TNNI3K: variants seen among roughly 807,000 people sequenced by gnomAD.
The protein encoded by TNNI3K is TNNI3 interacting kinase.
TNNI3K carries 140 observed loss-of-function variants against 114.5 expected under a neutral mutation model. That is an observed-to-expected ratio of 1.22 (90% CI 1.07 to 1.41). TNNI3K has a LOEUF of 1.41. Ranked by LOEUF, TNNI3K falls within the 40% of genes most tolerant of loss-of-function variation. TNNI3K has a pLI of 0.00. For synonymous variants in TNNI3K, 347 were observed against 347.5 expected (o/e 1.00, Z 0.02); for missense variants, 1,125 against 1,007.6 (o/e 1.12, Z -1.58).
chr1:74,387,708 G>T (rs1388922685), intron 17 of TNNI3K, among the ~76,000 whole-genome samples: 1 of 152,174 alleles, frequency 6.6e-6, no homozygotes, highest in Non-Finnish European at 1.5e-5. Context: ...GAAGTCGGCG[G>T]TATCGAGGCG....
At chr1:74,511,447 A>T (rs1433477685) in intron 23 of TNNI3K, among the ~76,000 whole-genome samples, 1 of 152,048 alleles carries the variant, frequency 6.6e-6, no homozygotes, top group African/African-American at 2.4e-5. Flanking sequence ...ATTCACTCTT[A>T]TTTTCTTTAT....
intron 5 of TNNI3K, among the ~76,000 whole-genome samples, chr1:74,330,878 A>C (rs909589603): frequency 6.6e-6 from 1 of 152,212 alleles, no homozygotes; most frequent in African/African-American, 2.4e-5. Flanking sequence ...ATAAAGATGA[A>C]TCTGACATAC....
chr1:74,493,308 G>A (rs1323190547), intron 23 of TNNI3K, among the ~76,000 whole-genome samples: 1 of 152,186 alleles, frequency 6.6e-6, no homozygotes, highest in African/African-American at 2.4e-5. Context: ...AACTGTGAAT[G>A]TACTAAATAC....
At chr1:74,509,115 G>T (rs1670053665) in intron 23 of TNNI3K, among the ~76,000 whole-genome samples, 2 of 152,136 alleles carry the variant, frequency 1.3e-5, no homozygotes, top group Admixed American at 1.3e-4. Flanking sequence ...TTCTCTTTGA[G>T]ATAGTAGAGC....
intron 5 of TNNI3K, among the ~76,000 whole-genome samples, chr1:74,294,797 G>T (rs1453469600): frequency 2.6e-5 from 4 of 151,848 alleles, no homozygotes; most frequent in Non-Finnish European, 5.9e-5. Context: ...TATCTGGTCA[G>T]AAATTTTTCA....
At chr1:74,324,845 G>T (rs1659814113) in intron 5 of TNNI3K, among the ~76,000 whole-genome samples, 1 of 152,180 alleles carries the variant, frequency 6.6e-6, no homozygotes, top group Admixed American at 6.5e-5. Context: ...TGCTGTGATT[G>T]AGAGGGATCA....
chr1:74,289,430 G>T (rs1359819577), intron 5 of TNNI3K, among the ~76,000 whole-genome samples: 1 of 151,886 alleles, frequency 6.6e-6, no homozygotes, highest in Non-Finnish European at 1.5e-5. Context: ...AGAGAGTAAT[G>T]GGGTTTAAAT....
intron 21 of TNNI3K, chr1:74,471,045 A>G: frequency 2.5e-6 from 1 of 400,686 alleles, no homozygotes; most frequent in Admixed American, 4.4e-5. Context: ...CCATTTGCTC[A>G]GTTGAGAATT....
chr1:74,431,827 C>A (rs1007873935), intron 17 of TNNI3K, among the ~76,000 whole-genome samples: 4 of 152,042 alleles, frequency 2.6e-5, no homozygotes, highest in Admixed American at 1.3e-4. Context: ...TCACTTGACG[C>A]AACAAAATTG....
chr1:74,519,166 AATG>A (rs1483439120), intron 23 of TNNI3K, among the ~76,000 whole-genome samples: 1 of 90,268 alleles, frequency 1.1e-5, no homozygotes, highest in Non-Finnish European at 2.0e-5. Context: ...GTTTACTGAG[AATG>A]ATGGTTTCCA....
intron 20 of TNNI3K, among the ~76,000 whole-genome samples, chr1:74,459,775 C>T (rs1667370865): frequency 1.3e-5 from 2 of 152,170 alleles, no homozygotes; most frequent in Admixed American, 1.3e-4. Flanking sequence ...AATCTCCATT[C>T]ATGTCTTTTC....
intron 17 of TNNI3K, among the ~76,000 whole-genome samples, chr1:74,434,995 T>C (rs1666059850): frequency 6.6e-6 from 1 of 151,946 alleles, no homozygotes; most frequent in Admixed American, 6.6e-5. Flanking sequence ...GCAAAATAGT[T>C]AAGGGTAAAG....
intron 23 of TNNI3K, among the ~76,000 whole-genome samples, chr1:74,512,279 A>G (rs1433668539): frequency 2.6e-5 from 4 of 152,172 alleles, no homozygotes; most frequent in African/African-American, 9.7e-5. Flanking sequence ...GACATGAGTG[A>G]CATAGACACA....
At position 74,331,020 on chromosome 1, in the gene TNNI3K, A is replaced by C. The variant is rs1403275005; in HGVS notation, c.445-430A>C. On this transcript the variant is annotated intron_variant, in intron 5 of 24. Transcript: ENST00000326637. ...AGGTAACATTTAATTTCAGCCAGGC[A>C]GATGGCAATGAAGGGAGGGAAATTG... Among the ~76,000 whole-genome samples, 35 of 152,196 alleles carry C rather than the reference A, an allele frequency of 2.3e-4. 1 individual carries two copies. The highest frequency in any genetic ancestry group is 2.3e-3 in the Admixed American group (35 of 15,276).
At chr1:74,519,641 A>T (rs1209227220) in intron 23 of TNNI3K, among the ~76,000 whole-genome samples, 1 of 152,158 alleles carries the variant, frequency 6.6e-6, no homozygotes, top group Non-Finnish European at 1.5e-5. Context: ...ATAGAGATAA[A>T]AACTTCTAAG....
At chr1:74,489,799 A>G (rs1313575212) in intron 22 of TNNI3K, among the ~76,000 whole-genome samples, 9 of 152,152 alleles carry the variant, frequency 5.9e-5, no homozygotes, top group Non-Finnish European at 1.3e-4. Flanking sequence ...TTAATTTTCT[A>G]CACACCTGGT....
At chr1:74,379,064 A>C (rs537621186) in intron 17 of TNNI3K, among the ~76,000 whole-genome samples, 1 of 152,172 alleles carries the variant, frequency 6.6e-6, no homozygotes, top group East Asian at 1.9e-4. Context: ...AGCATGCTAT[A>C]TATGAATTAA....
intron 3 of TNNI3K, 48 bp downstream of exon 3, chr1:74,249,592 T>C (rs752156449): frequency 1.9e-6 from 3 of 1,577,156 alleles, no homozygotes; most frequent in East Asian, 4.5e-5. Flanking sequence ...TATGTGTATA[T>C]CGTCAGTGAC....
intron 23 of TNNI3K, among the ~76,000 whole-genome samples, chr1:74,501,505 T>A (rs1669629620): frequency 6.7e-6 from 1 of 150,180 alleles, no homozygotes. Flanking sequence ...TGTTTGTTTG[T>A]TTTTTGAGAC....
Sources: allele counts gnomAD v4.1 joint callset (sites outside exome capture counted in the v4.1 genomes callset), GRCh38; gene constraint gnomAD v4.1.1; transcripts MANE v1.5; gene names NCBI Gene and HGNC (gene_info 2026-07-23, HGNC 2026-07-21).